The following ARID2 variants were observed in gnomAD, a reference collection of about 807,000 sequenced individuals.
The protein encoded by ARID2 is AT-rich interaction domain 2, also known as AT-rich interactive domain-containing protein 2.
In ARID2, 32 loss-of-function variants were observed where a neutral mutation model predicts 184.6. That is an observed-to-expected ratio of 0.17 (90% CI 0.13 to 0.23). The LOEUF (loss-of-function observed/expected upper bound fraction) is 0.23, where lower values mean the gene tolerates loss of function less well. Among genes scored for constraint, ARID2 ranks in the 10% least tolerant of loss-of-function variants. The pLI is 1.00. For missense variants in ARID2, 1,696 were observed against 2,197.6 expected (o/e 0.77, Z 4.56); for synonymous variants, 836 against 772.6 (o/e 1.08, Z -1.36).
intron 3 of ARID2, among the ~76,000 whole-genome samples, chr12:45,787,583 TACA>T (rs959943509): frequency 6.6e-6 from 1 of 152,144 alleles, no homozygotes; most frequent in Non-Finnish European, 1.5e-5. Context: ...CATAAATATA[TACA>T]ACATTTATTT....
intron 3 of ARID2, among the ~76,000 whole-genome samples, chr12:45,753,400 A>T (rs1043560922): frequency 2.6e-5 from 4 of 152,230 alleles, no homozygotes; most frequent in African/African-American, 9.6e-5. Flanking sequence ...CACCTTCTCC[A>T]TTCAGTCAGT....
At chr12:45,742,047 A>G (rs1278175587) in intron 3 of ARID2, among the ~76,000 whole-genome samples, 1 of 152,170 alleles carries the variant, frequency 6.6e-6, no homozygotes, top group Non-Finnish European at 1.5e-5. Context: ...ATATATGTTC[A>G]TCTTCTCAGT....
In ARID2 at chr12:45,824,125, A is replaced by G. The variant is rs79616142; in HGVS notation, c.705+2638A>G. On this transcript the variant is annotated intron_variant, in intron 6 of 20. Transcript: ENST00000334344. ...TTTATCCCAGGGATGTAAGGATGCA[A>G]ATCAATAAATGTGATACATCACATC... Among the ~76,000 whole-genome samples, 4 of 152,256 alleles carry G rather than the reference A, an allele frequency of 2.6e-5. No homozygotes were observed. The East Asian group carries it at 7.7e-4, about 29-fold the overall frequency.
intron 4 of ARID2, among the ~76,000 whole-genome samples, chr12:45,816,096 T>C (rs1942799269): frequency 6.6e-6 from 1 of 152,218 alleles, no homozygotes. Flanking sequence ...CCGTTAGGAT[T>C]CAGTTATTTC....
At chr12:45,855,888 T>C (rs1245727001) in intron 15 of ARID2, among the ~76,000 whole-genome samples, 2 of 151,706 alleles carry the variant, frequency 1.3e-5, no homozygotes, top group Admixed American at 1.3e-4. Flanking sequence ...GCCCAGCTAA[T>C]TTGTTTTATG....
chr12:45,773,122 T>C (rs533319829), intron 3 of ARID2, among the ~76,000 whole-genome samples: 6 of 152,052 alleles, frequency 3.9e-5, no homozygotes, highest in Admixed American at 3.9e-4. Flanking sequence ...CTTAAAAATA[T>C]GTAGAAATGG....
intron 15 of ARID2, among the ~76,000 whole-genome samples, chr12:45,853,722 C>T (rs981974497): frequency 2.6e-4 from 40 of 152,314 alleles, no homozygotes; most frequent in African/African-American, 8.9e-4. Flanking sequence ...ATAGCCAGAA[C>T]CTTCTATGAC....
chr12:45,856,067 C>CTTTTTTTTTTT (rs930473740), intron 15 of ARID2, among the ~76,000 whole-genome samples: 46 of 74,630 alleles, frequency 6.2e-4, no homozygotes, highest in Non-Finnish European at 8.0e-4. Flanking sequence ...TTCTTCTTTT[C>CTTTTTTTTTTT]TTTTTTTTTT....
At chr12:45,874,741 A>C (rs1454599781) in intron 16 of ARID2, among the ~76,000 whole-genome samples, 2 of 152,222 alleles carry the variant, frequency 1.3e-5, no homozygotes, top group Non-Finnish European at 2.9e-5. Flanking sequence ...CTAGCATTAG[A>C]GAATCCTTTG....
intron 3 of ARID2, among the ~76,000 whole-genome samples, chr12:45,747,137 T>A (rs1482308177): frequency 6.6e-6 from 1 of 152,166 alleles, no homozygotes; most frequent in Non-Finnish European, 1.5e-5. Context: ...TGAATATAAT[T>A]TTATTAAAAA....
At position 45,820,362 on chromosome 12, in the gene ARID2, A is replaced by G. The variant is rs552090510; in HGVS notation, c.638-1058A>G. On this transcript the variant is annotated intron_variant, in intron 5 of 20. Coordinates refer to ENST00000334344, the MANE Select transcript of ARID2 (RefSeq NM_152641.4). The stretch of plus-strand genomic sequence containing the variant: ...TTATTCTAGCCAGAGTACTTTACAA[A>G]CTTTATTTTACTCAATTTTAACTAA... 5.9e-5 allele frequency among the ~76,000 whole-genome samples: 9 copies of G among 152,238 alleles called. No individual in the cohort carries two copies. The East Asian group carries it at 1.7e-3, about 29-fold the overall frequency.
At chr12:45,868,830 C>A (rs1187792296) in intron 16 of ARID2, among the ~76,000 whole-genome samples, 2 of 152,198 alleles carry the variant, frequency 1.3e-5, no homozygotes, top group Non-Finnish European at 2.9e-5. Context: ...ATTACACTAT[C>A]ACTTTAAATG....
At chr12:45,761,199 G>A (rs560254043) in intron 3 of ARID2, among the ~76,000 whole-genome samples, 7 of 152,220 alleles carry the variant, frequency 4.6e-5, no homozygotes, top group African/African-American at 1.7e-4. Context: ...ATTCCAAGAA[G>A]TTTAGCATAC....
At chr12:45,859,304 G>C (rs1943703170) in intron 15 of ARID2, among the ~76,000 whole-genome samples, 1 of 152,140 alleles carries the variant, frequency 6.6e-6, no homozygotes, top group African/African-American at 2.4e-5. Context: ...ATGCTATACA[G>C]ATTTTTAGCC....
intron 3 of ARID2, chr12:45,776,247 G>GA (rs1941978307): frequency 6.5e-6 from 1 of 152,804 alleles, no homozygotes; most frequent in Non-Finnish European, 1.5e-5. Flanking sequence ...AGGTCCTCCA[G>GA]GTGATTCTGA....
chr12:45,857,667 A>G (rs1300200208), intron 15 of ARID2, among the ~76,000 whole-genome samples: 4 of 152,190 alleles, frequency 2.6e-5, no homozygotes, highest in African/African-American at 9.6e-5. Flanking sequence ...CACATTCACA[A>G]AAATCTCTTT....
intron 15 of ARID2, among the ~76,000 whole-genome samples, chr12:45,856,306 A>T (rs1943649444): frequency 6.6e-6 from 1 of 151,484 alleles, no homozygotes; most frequent in Non-Finnish European, 1.5e-5. Context: ...TGACCTCGTG[A>T]TCCGCCCACC....
intron 3 of ARID2, among the ~76,000 whole-genome samples, chr12:45,772,216 C>G (rs1248489565): frequency 1.3e-5 from 2 of 152,062 alleles, no homozygotes; most frequent in Non-Finnish European, 2.9e-5. Flanking sequence ...GAGATACACA[C>G]AGAACAAAAA....
chr12:45,892,212 C>A, intron 18 of ARID2, 116 bp downstream of exon 18: 1 of 979,154 alleles, frequency 1.0e-6, no homozygotes, highest in Non-Finnish European at 1.5e-6. Context: ...TCTAGTCCAG[C>A]TCTGCCATGA....
Sources: allele counts gnomAD v4.1 joint callset (sites outside exome capture counted in the v4.1 genomes callset), GRCh38; gene constraint gnomAD v4.1.1; transcripts MANE v1.5; gene names NCBI Gene and HGNC (gene_info 2026-07-23, HGNC 2026-07-21).